Variants in DTNB observed in about 807,000 individuals in gnomAD.
DTNB encodes the protein dystrobrevin beta.
In DTNB, 63 loss-of-function variants were observed where a neutral mutation model predicts 90.7. The observed-to-expected ratio is 0.69, with a 90% CI of 0.57 to 0.86. DTNB has a LOEUF of 0.86. Among genes scored for constraint, DTNB ranks in the 40% least tolerant of loss-of-function variants. DTNB has a pLI of 0.00. For missense variants in DTNB, 744 were observed against 807.1 expected, an observed-to-expected ratio of 0.92 and a Z score of 0.95; for synonymous variants, 277 against 286.7, an observed-to-expected ratio of 0.97 and a Z score of 0.34.
intron 1 of DTNB, among the ~76,000 whole-genome samples, chr2:25,662,683 C>CACACACACACACACACACACACACAA (rs2083483862): frequency 2.0e-5 from 2 of 101,616 alleles, no homozygotes; most frequent in Non-Finnish European, 4.4e-5. Flanking sequence ...CACACACAAA[C>CACACACACACACACACACACACACAA]ACACACACAC....
chr2:25,569,194 G>C (rs750835169), intron 8 of DTNB, among the ~76,000 whole-genome samples: 1 of 152,118 alleles, frequency 6.6e-6, no homozygotes, highest in African/African-American at 2.4e-5. Context: ...AGATGGCATG[G>C]AGCAGAAAAA....
intron 14 of DTNB, among the ~76,000 whole-genome samples, chr2:25,432,672 C>T (rs1305696851): frequency 6.6e-6 from 1 of 152,138 alleles, no homozygotes; most frequent in Non-Finnish European, 1.5e-5. Context: ...CTGGTATTTA[C>T]CAAGTTCTGT....
intron 9 of DTNB, among the ~76,000 whole-genome samples, chr2:25,501,349 C>T (rs540784601): frequency 7.9e-5 from 12 of 152,136 alleles, no homozygotes; most frequent in South Asian, 2.1e-4. Flanking sequence ...TCCAACTAGC[C>T]GGGACTACAG....
At chr2:25,447,119 T>C (rs2058538774) in intron 12 of DTNB, among the ~76,000 whole-genome samples, 1 of 152,240 alleles carries the variant, frequency 6.6e-6, no homozygotes, top group Non-Finnish European at 1.5e-5. Flanking sequence ...GGTTTTTAAT[T>C]CCTTCTTTTA....
At chr2:25,481,753 G>C (rs1301644666) in intron 10 of DTNB, 3 of 152,160 alleles carry the variant, frequency 2.0e-5, no homozygotes, top group Non-Finnish European at 2.9e-5. Context: ...ATAAGAATCA[G>C]CTGGAATAAA....
chr2:25,512,945 G>C (rs960922935), intron 9 of DTNB, among the ~76,000 whole-genome samples: 2 of 152,240 alleles, frequency 1.3e-5, no homozygotes, highest in Non-Finnish European at 2.9e-5. Flanking sequence ...AGCACGAGGA[G>C]TGCCTCCTTC....
chr2:25,583,032 G>A (rs571102296), intron 6 of DTNB, among the ~76,000 whole-genome samples: 3 of 152,040 alleles, frequency 2.0e-5, no homozygotes, highest in South Asian at 2.1e-4. Flanking sequence ...AGGCCAAGGC[G>A]GGCAGATGGT....
intron 6 of DTNB, among the ~76,000 whole-genome samples, chr2:25,584,078 T>C (rs553316469): frequency 1.6e-4 from 25 of 152,320 alleles, no homozygotes; most frequent in African/African-American, 5.8e-4. Context: ...AGGGCTAAAA[T>C]AGCAGTTCTC....
At chr2:25,436,091 C>T (rs1282406283) in intron 12 of DTNB, among the ~76,000 whole-genome samples, 1 of 152,226 alleles carries the variant, frequency 6.6e-6, no homozygotes, top group Non-Finnish European at 1.5e-5. Context: ...TAATCCAGCA[C>T]TTCGGGAAGC....
At chr2:25,669,214 G>C (rs1432706926) in intron 1 of DTNB, among the ~76,000 whole-genome samples, 2 of 152,060 alleles carry the variant, frequency 1.3e-5, no homozygotes, top group Admixed American at 1.3e-4. Context: ...GCAACAATGT[G>C]AATGTATTTC....
intron 16 of DTNB, among the ~76,000 whole-genome samples, chr2:25,409,600 G>A (rs1471683559): frequency 1.3e-5 from 2 of 152,112 alleles, no homozygotes; most frequent in Non-Finnish European, 2.9e-5. Flanking sequence ...TCAGAGTTGG[G>A]TACACTTTAC....
intron 11 of DTNB, among the ~76,000 whole-genome samples, chr2:25,453,290 G>T (rs1040326167): frequency 6.6e-6 from 1 of 152,172 alleles, no homozygotes; most frequent in South Asian, 2.1e-4. Context: ...ATGTTTTCTA[G>T]CCAGAAACTA....
intron 6 of DTNB, among the ~76,000 whole-genome samples, chr2:25,589,276 A>G (rs1192047703): frequency 2.0e-5 from 3 of 151,344 alleles, no homozygotes; most frequent in South Asian, 2.1e-4. Context: ...TATCTCCTGC[A>G]TACACTGATT....
At position 25,661,998 on chromosome 2, in the gene DTNB, T is replaced by C. The variant is rs2083270424; in HGVS notation, c.-1-9337A>G. Among the ~76,000 whole-genome samples the C allele has an allele frequency of 3.3e-5, 5 of 151,698 alleles. 2 individuals are homozygous for C. The highest frequency in any genetic ancestry group is 3.3e-4 in the Admixed American group (5 of 15,236). ...GGTGAAACCCCGTCTCTACTAAAAATACAAAAAATTAGCTGGGCATGGTCG... is the reference window on the plus strand; with the variant it reads ...GGTGAAACCCCGTCTCTACTAAAAACACAAAAAATTAGCTGGGCATGGTCG... On this transcript the variant is annotated intron_variant, in intron 1 of 20. Coordinates refer to ENST00000406818, the MANE Select transcript of DTNB (RefSeq NM_021907.5).
Position 25,661,252 on chromosome 2 carries a change from GAA to G in DTNB, c.-1-8593_-1-8592del, listed in dbSNP as rs376155907. Among the ~76,000 whole-genome samples the G allele has an allele frequency of 2.4e-3, 362 of 152,278 alleles. 1 individual carries two copies. Among genetic ancestry groups the G allele is most frequent in the African/African-American group, 7.1e-3 (296 of 41,562 alleles). ...AAGTATCAAAACTCATGAGAAAGATGAAAAGACAAGTCACTAACTGGGAAAAG... is the reference window on the plus strand; with the variant it reads ...AAGTATCAAAACTCATGAGAAAGATGAAGACAAGTCACTAACTGGGAAAAG... On this transcript the variant is annotated intron_variant, in intron 1 of 20. Transcript: ENST00000406818.
chr2:25,379,262 G>A lies in DTNB; in HGVS notation c.*29+28C>T, dbSNP rs2036825285. ...TGCTGAGGAAGGAGGGAGGGGCCGT[G>A]GGGAGGCAGAGGACTCTTTGTACTC... is the stretch of plus-strand genomic sequence containing the variant. On this transcript the variant is annotated intron_variant, in intron 20 of 20. Transcript: ENST00000406818. 3.0e-6 allele frequency: 4 copies of A among 1,325,404 alleles called. No individual in the cohort carries two copies. The African/African-American group carries it at 4.5e-5, about 15-fold the overall frequency. The allele number at this position is 1,325,404 out of a possible 1,614,324, so 82.1% of individuals were successfully genotyped here. A position where few individuals can be genotyped will look rare whatever the true frequency, so the allele number is the denominator to read the frequency against.
chr2:25,502,880 TAAAAAAAAAAA>T (rs776792939), intron 9 of DTNB, among the ~76,000 whole-genome samples: 1 of 79,500 alleles, frequency 1.3e-5, no homozygotes. Flanking sequence ...AGCAACTGTC[TAAAAAAAAAAA>T]AAAAAAAAAA....
chr2:25,582,261 G>GC (rs2061666112), intron 6 of DTNB, among the ~76,000 whole-genome samples: 1 of 152,086 alleles, frequency 6.6e-6, no homozygotes, highest in South Asian at 2.1e-4. Flanking sequence ...AAGGACGGAG[G>GC]CCCCCAGGGA....
intron 8 of DTNB, among the ~76,000 whole-genome samples, chr2:25,532,544 C>A (rs183789501): frequency 2.6e-5 from 4 of 152,294 alleles, no homozygotes; most frequent in Admixed American, 2.0e-4. Context: ...CCACCAAAGA[C>A]TACCAAGTCT....
Sources: allele counts gnomAD v4.1 joint callset (sites outside exome capture counted in the v4.1 genomes callset), GRCh38; gene constraint gnomAD v4.1.1; transcripts MANE v1.5; gene names NCBI Gene and HGNC (gene_info 2026-07-23, HGNC 2026-07-21).